Variants in NAV1 observed in about 807,000 individuals in gnomAD.
The protein encoded by NAV1 is neuron navigator 1, also known as pore membrane and/or filament interacting like protein 3.
In NAV1, 18 loss-of-function variants were observed where a neutral mutation model predicts 175.2. That is an observed-to-expected ratio of 0.10 (90% CI 0.07 to 0.15). The LOEUF is 0.15. Ranked by LOEUF, NAV1 falls within the 10% of genes least tolerant of loss-of-function variation. NAV1 has a pLI of 1.00. For missense variants in NAV1, 1,731 were observed against 2,436.6 expected (o/e 0.71, Z 6.10); for synonymous variants, 897 against 978.7 (o/e 0.92, Z 1.56).
chr1:201,732,184 A>C (rs1343791602), intron 3 of NAV1, among the ~76,000 whole-genome samples: 1 of 151,514 alleles, frequency 6.6e-6, no homozygotes, highest in Non-Finnish European at 1.5e-5. Context: ...ATCATGGTTC[A>C]CTGCAGCCTT....
intron 22 of NAV1, among the ~76,000 whole-genome samples, 195 bp downstream of exon 26, chr1:201,809,732 T>G (rs907420199): frequency 3.3e-5 from 5 of 152,190 alleles, no homozygotes; most frequent in African/African-American, 1.2e-4. Flanking sequence ...TACAAGCATG[T>G]GCCACCATGC....
At chr1:201,632,208 T>A (rs1668498084) in intron 2 of NAV1, among the ~76,000 whole-genome samples, 2 of 152,048 alleles carry the variant, frequency 1.3e-5, no homozygotes, top group Admixed American at 1.3e-4. Context: ...GGGCATAGAG[T>A]CCAAACAAGG....
intron 1 of NAV1, among the ~76,000 whole-genome samples, chr1:201,655,811 G>A (rs188168343): frequency 2.8e-4 from 43 of 152,332 alleles, no homozygotes; most frequent in African/African-American, 9.4e-4. Context: ...AGGGTGACCC[G>A]CTTTTCACCA....
chr1:201,707,566 A>G (rs531363139), intron 1 of NAV1, among the ~76,000 whole-genome samples: 8 of 152,288 alleles, frequency 5.3e-5, no homozygotes, highest in African/African-American at 1.9e-4. Context: ...TTGCCACTAC[A>G]TCACTGTCAG....
intron 1 of NAV1, among the ~76,000 whole-genome samples, chr1:201,677,821 G>C (rs1446567261): frequency 6.6e-6 from 1 of 151,972 alleles, no homozygotes; most frequent in East Asian, 1.9e-4. Context: ...GTAGAGATGG[G>C]GTTTCACCAT....
In NAV1 at chr1:201,810,703, G is replaced by A. The variant is rs369328574; in HGVS notation, c.4742G>A (p.Arg1581His). Reference sequence around the variant, plus strand: ...GAGTACCTGGTGGAGCGCTCTGGCCGTGAGGTCACAGAGGGCATCGTCAGC... The same window carrying A: ...GAGTACCTGGTGGAGCGCTCTGGCCATGAGGTCACAGAGGGCATCGTCAGC... The change falls in exon 24 of 30, where the codon CGT (arginine) becomes CAT (histidine). Residue 1581 changes from arginine to histidine, a missense_variant. Arg to His is a conservative substitution (Grantham distance 29). Transcript: ENST00000367296. The surrounding 1 kb of genome is among the most constrained non-coding windows in gnomAD (Gnocchi z 6.0). 1.3e-5 allele frequency: 21 copies of A among 1,613,976 alleles called. No homozygotes were observed. Among genetic ancestry groups the A allele is most frequent in the Middle Eastern group, 1.6e-4 (1 of 6,084 alleles).
Position 201,740,139 on chromosome 1 carries a change from AC to A in NAV1, c.1226+21389del. ...GCAGAGCTGGGGTCGGGTTTGTGGC[AC>A]CCCCAGCCCCGCCGCAGCCCCCCAG... On this transcript the variant is annotated intron_variant, in intron 3 of 29. Coordinates refer to ENST00000367296, the Ensembl canonical transcript of NAV1. This position sits in a 1 kb window ranked among gnomAD's most constrained non-coding sequence, Gnocchi z 4.7. 3 of 1,297,944 alleles carry A rather than the reference AC, an allele frequency of 2.3e-6. No individual in the cohort carries two copies. Among genetic ancestry groups the A allele is most frequent in the Non-Finnish European group, 3.0e-6 (3 of 984,234 alleles). 80.4% of individuals were successfully genotyped at this position (1,297,944 alleles called of 1,614,324 possible).
intron 3 of NAV1, among the ~76,000 whole-genome samples, chr1:201,747,954 G>A (rs371636325): frequency 3.3e-5 from 5 of 152,122 alleles, no homozygotes; most frequent in Admixed American, 6.5e-5. Flanking sequence ...CAACCCCACC[G>A]GAATGGGTCC....
upstream of NAV1, among the ~76,000 whole-genome samples, chr1:201,647,199 A>T (rs1669004240): frequency 1.3e-5 from 2 of 152,174 alleles, 1 homozygote; most frequent in Non-Finnish European, 2.9e-5. Flanking sequence ...CCATTTGAGG[A>T]TGGGCAGTGT....
chr1:201,681,294 T>G (rs1386809855), intron 1 of NAV1, among the ~76,000 whole-genome samples: 1 of 152,220 alleles, frequency 6.6e-6, no homozygotes, highest in Non-Finnish European at 1.5e-5. Context: ...ACTTGTTAAT[T>G]GGCATTACTT....
At chr1:201,811,649 A>C in exon 25 of NAV1, 1 of 1,614,146 alleles carries the variant, frequency 6.2e-7, no homozygotes, top group East Asian at 2.2e-5. Flanking sequence ...ATAGACCGGG[A>C]AACAGGAATT....
intron 13 of NAV1, 167 bp from the exon 18 acceptor site, chr1:201,793,625 C>T: frequency 1.5e-5 from 9 of 611,184 alleles, no homozygotes; most frequent in South Asian, 4.2e-5. Flanking sequence ...CTTTGATTTC[C>T]CCTTTGTCTG....
At chr1:201,648,651 G>A in exon 1 of NAV1, 1 of 1,371,276 alleles carries the variant, frequency 7.3e-7, no homozygotes, top group Non-Finnish European at 9.4e-7. Context: ...GATCGTCCAT[G>A]CGCTCCTCGC....
In NAV1 at chr1:201,700,563, G is replaced by C. The variant is rs116196700; in HGVS notation, c.758-12254G>C. On this transcript the variant is annotated intron_variant, in intron 1 of 29. Coordinates refer to ENST00000367296, the Ensembl canonical transcript of NAV1. ...GGATCTAGAACGAGAAATACCATTT[G>C]ACCCAGCGATTCCATTACTAAGTAT... Among the ~76,000 whole-genome samples, 853 of 152,284 alleles carry C rather than the reference G, an allele frequency of 5.6e-3. 7 individuals are homozygous for C. Among genetic ancestry groups the C allele is most frequent in the African/African-American group, 0.019 (774 of 41,542 alleles).
intron 1 of NAV1, among the ~76,000 whole-genome samples, chr1:201,674,392 G>T (rs490748): frequency 0.38 from 50,219 of 131,550 alleles, 8,744 homozygotes; most frequent in Admixed American, 0.49. Flanking sequence ...AGTGTGTGTT[G>T]GGGGGGGTTG....
At chr1:201,565,922 G>A (rs1264177848) in intron 1 of NAV1, among the ~76,000 whole-genome samples, 1 of 152,134 alleles carries the variant, frequency 6.6e-6, no homozygotes. Context: ...ACACCCAAAT[G>A]CCCTTCAGCG....
chr1:201,604,198 G>A (rs1373411849), intron 2 of NAV1, among the ~76,000 whole-genome samples: 2 of 152,160 alleles, frequency 1.3e-5, no homozygotes, highest in African/African-American at 4.8e-5. Flanking sequence ...GTGACTAAAG[G>A]CATGTGGCAC....
chr1:201,597,110 G>A (rs1667369847), intron 2 of NAV1, among the ~76,000 whole-genome samples: 1 of 152,194 alleles, frequency 6.6e-6, no homozygotes, highest in Non-Finnish European at 1.5e-5. Flanking sequence ...ACAGACGTGA[G>A]CCACCGTGCC....
chr1:201,820,170 C>A, exon 30 of NAV1: 1 of 461,324 alleles, frequency 2.2e-6, no homozygotes, highest in Non-Finnish European at 3.9e-6. Context: ...ATTTACTGGC[C>A]TCCTCTAATG....
Sources: allele counts gnomAD v4.1 joint callset (sites outside exome capture counted in the v4.1 genomes callset), GRCh38; gene constraint gnomAD v4.1.1; non-coding constraint Gnocchi (gnomAD v3.1); transcripts MANE v1.5; gene names NCBI Gene and HGNC (gene_info 2026-07-23, HGNC 2026-07-21).